GALNT15: variants seen among roughly 807,000 people sequenced by gnomAD.
GALNT15 encodes UDP-GalNAc transferase T15.
GALNT15 carries 67 observed loss-of-function variants against 66.8 expected under a neutral mutation model. The observed-to-expected ratio is 1.00, with a 90% CI of 0.82 to 1.23. GALNT15 has a LOEUF of 1.23. Ranked by LOEUF, GALNT15 falls within the 50% of genes most tolerant of loss-of-function variation. The pLI, the probability that GALNT15 is intolerant of heterozygous loss-of-function variation, is 0.00. For synonymous variants in GALNT15, 313 were observed against 311.5 expected (o/e 1.00, Z -0.05); for missense variants, 827 against 804.3 (o/e 1.03, Z -0.34).
At position 16,175,475 on chromosome 3, in the gene GALNT15, G is replaced by A. The variant is rs772053852; in HGVS notation, c.324G>A (p.Gln108=). The change falls in exon 1 of 10, where the codon CAG becomes CAA. Residue 108 remains glutamine (Q), a synonymous_variant. Transcript: ENST00000339732. This position sits in a 1 kb window ranked among gnomAD's most constrained non-coding sequence, Gnocchi z 5.6. ...AVALPQARRN[Q]SQGRRGGSYR... ...CCTTACCCCAGGCCAGAAGGAACCA[G>A]AGCCAGGGCAGGAGAGGTGGGAGCT... 1.2e-6 allele frequency: 2 copies of A among 1,613,942 alleles called. No individual in the cohort carries two copies. Among genetic ancestry groups the A allele is most frequent in the African/African-American group, 1.3e-5 (1 of 74,936 alleles).
chr3:16,195,798 C>T lies in GALNT15; in HGVS notation c.578C>T (p.Ala193Val). ...QQHPQDSLPT[A>V]SVILCFHDEA... ...CACCCTCAGGACAGCCTGCCCACAG[C>T]CAGCGTCATCCTCTGTTTCCATGAT... The change falls in exon 2 of 10, where the codon GCC becomes GTC. Residue 193 changes from alanine to valine, a missense_variant. By Grantham distance (64) the Ala-to-Val change is moderately conservative. Transcript: ENST00000339732. The surrounding 1 kb of genome is among the most constrained non-coding windows in gnomAD (Gnocchi z 4.6). The T allele has an allele frequency of 3.1e-6, 5 of 1,613,882 alleles. No individual in the cohort carries two copies. Among genetic ancestry groups the T allele is most frequent in the Non-Finnish European group, 4.2e-6 (5 of 1,179,848 alleles).
Position 16,188,476 on chromosome 3 carries a change from G to A in GALNT15, c.540-7284G>A, listed in dbSNP as rs995112482. ...CAAAACTGGACTAAATTTCCTCCCA[G>A]TGACATCAGCTGTTCCTTTTAGGTG... is the stretch of plus-strand genomic sequence containing the variant. On this transcript the variant is annotated intron_variant, in intron 1 of 9. Transcript: ENST00000339732. The surrounding 1 kb of genome is among the most constrained non-coding windows in gnomAD (Gnocchi z 4.6). Among the ~76,000 whole-genome samples the A allele has an allele frequency of 1.3e-5, 2 of 152,168 alleles. No individual in the cohort carries two copies. The highest frequency in any genetic ancestry group is 2.9e-5 in the Non-Finnish European group (2 of 68,022).
At chr3:16,214,144 C>G (rs1002967437) in intron 6 of GALNT15, among the ~76,000 whole-genome samples, 1 of 152,220 alleles carries the variant, frequency 6.6e-6, no homozygotes, top group Non-Finnish European at 1.5e-5. Context: ...CAGCAGCCTC[C>G]TTCGTTCCTC....
At position 16,189,546 on chromosome 3, in the gene GALNT15, C is replaced by G. The variant is rs536154622; in HGVS notation, c.540-6214C>G. ...CACATTTTTACCTGAAAAATAGTAACAGCTTCCAGTTATTGAAAGCCTGCT... is the reference window on the plus strand; with the variant it reads ...CACATTTTTACCTGAAAAATAGTAAGAGCTTCCAGTTATTGAAAGCCTGCT... On this transcript the variant is annotated intron_variant, in intron 1 of 9. Coordinates refer to ENST00000339732, the MANE Select transcript of GALNT15 (RefSeq NM_054110.5). The surrounding 1 kb of genome is among the most constrained non-coding windows in gnomAD (Gnocchi z 5.1). Among the ~76,000 whole-genome samples, 1 of 152,200 alleles carries G rather than the reference C, an allele frequency of 6.6e-6. No homozygotes were observed. Among genetic ancestry groups the G allele is most frequent in the Admixed American group, 6.5e-5 (1 of 15,286 alleles).
chr3:16,225,346 T>TATCA lies in GALNT15; in HGVS notation c.1774-2007_1774-2006insTCAA, dbSNP rs2063994763. On this transcript the variant is annotated intron_variant, in intron 9 of 9. Coordinates refer to ENST00000339732, the MANE Select transcript of GALNT15 (RefSeq NM_054110.5). The surrounding 1 kb of genome is among the most constrained non-coding windows in gnomAD (Gnocchi z 4.4). The stretch of plus-strand genomic sequence containing the variant: ...CCAAACTATATCAACTACTAAACTT[T>TATCA]ACACTTAAAAATGCCTAAGATTGTA... Among the ~76,000 whole-genome samples the TATCA allele has an allele frequency of 6.6e-6, 1 of 152,222 alleles. No homozygotes were observed. The highest frequency in any genetic ancestry group is 1.5e-5 in the Non-Finnish European group (1 of 68,040).
the GALNT15 span, among the ~76,000 whole-genome samples, chr3:16,238,921 G>A: frequency 6.6e-6 from 1 of 152,174 alleles, no homozygotes; most frequent in Non-Finnish European, 1.5e-5. This position sits in a 1 kb window ranked among gnomAD's most constrained non-coding sequence, Gnocchi z 4.8. Context: ...ATGCCTAGTT[G>A]AGGACAGGCA....
chr3:16,244,823 A>T, the GALNT15 span, among the ~76,000 whole-genome samples: 3 of 151,378 alleles, frequency 2.0e-5, no homozygotes, highest in Admixed American at 2.0e-4. Flanking sequence ...AACTGAGGTC[A>T]TATAATTTAA....
chr3:16,176,597 C>T lies in GALNT15; in HGVS notation c.539+907C>T, dbSNP rs2063412457. Among the ~76,000 whole-genome samples, 1 of 152,244 alleles carries T rather than the reference C, an allele frequency of 6.6e-6. No individual in the cohort carries two copies. Among genetic ancestry groups the T allele is most frequent in the Non-Finnish European group, 1.5e-5 (1 of 68,036 alleles). On this transcript the variant is annotated intron_variant, in intron 1 of 9. Transcript: ENST00000339732. This position sits in a 1 kb window ranked among gnomAD's most constrained non-coding sequence, Gnocchi z 5.6. ...CAGGGAGATGCTGGCCCATCCTCCA[C>T]ACCCCCTGCTCCCTTACTGTCACCA...
chr3:16,188,992 C>G lies in GALNT15; in HGVS notation c.540-6768C>G, dbSNP rs186731872. Among the ~76,000 whole-genome samples the G allele has an allele frequency of 2.0e-4, 31 of 152,242 alleles. No homozygotes were observed. Among genetic ancestry groups the G allele is most frequent in the Admixed American group, 1.3e-3 (20 of 15,298 alleles). ...TTCTTATTGTCTCCTCAGCATCTCC[C>G]AAAACTTACACACTCACATCAGCTA... On this transcript the variant is annotated intron_variant, in intron 1 of 9. Coordinates refer to ENST00000339732, the MANE Select transcript of GALNT15 (RefSeq NM_054110.5). This position sits in a 1 kb window ranked among gnomAD's most constrained non-coding sequence, Gnocchi z 4.6.
the GALNT15 span, among the ~76,000 whole-genome samples, chr3:16,238,537 T>G: frequency 2.0e-5 from 3 of 152,278 alleles, no homozygotes; most frequent in East Asian, 5.8e-4. The surrounding 1 kb of genome is among the most constrained non-coding windows in gnomAD (Gnocchi z 4.8). Flanking sequence ...ATAATCACAA[T>G]AGGCCAATGA....
intron 6 of GALNT15, among the ~76,000 whole-genome samples, chr3:16,217,870 G>A (rs2063896300): frequency 6.6e-6 from 1 of 152,198 alleles, no homozygotes; most frequent in Admixed American, 6.5e-5. Flanking sequence ...AGAATGCCAA[G>A]AAGCCATCAA....
chr3:16,175,729 G>C lies in GALNT15; in HGVS notation c.539+39G>C. ...TTGTTTTCCCTTCCCTGATCCCAGGGCATGATCGGGTGGTAGCAAACTCGG... is the reference window on the plus strand; with the variant it reads ...TTGTTTTCCCTTCCCTGATCCCAGGCCATGATCGGGTGGTAGCAAACTCGG... On this transcript the variant is annotated intron_variant, in intron 1 of 9. Transcript: ENST00000339732. The surrounding 1 kb of genome is among the most constrained non-coding windows in gnomAD (Gnocchi z 5.6). The C allele has an allele frequency of 6.6e-7, 1 of 1,511,058 alleles. No homozygotes were observed. The highest frequency in any genetic ancestry group is 8.9e-7 in the Non-Finnish European group (1 of 1,128,078). 93.6% of individuals were successfully genotyped at this position (1,511,058 alleles called of 1,614,324 possible).
the GALNT15 span, among the ~76,000 whole-genome samples, chr3:16,247,804 C>G: frequency 1.3e-5 from 2 of 152,236 alleles, no homozygotes; most frequent in African/African-American, 4.8e-5. Flanking sequence ...TCTGCTGTCC[C>G]CCTCCCGGAC....
At position 16,187,222 on chromosome 3, in the gene GALNT15, C is replaced by A. The variant is rs1314826257; in HGVS notation, c.540-8538C>A. 6.6e-6 allele frequency among the ~76,000 whole-genome samples: 1 copy of A among 152,050 alleles called. No individual in the cohort carries two copies. Among genetic ancestry groups the A allele is most frequent in the Non-Finnish European group, 1.5e-5 (1 of 68,010 alleles). On this transcript the variant is annotated intron_variant, in intron 1 of 9. Coordinates refer to ENST00000339732, the MANE Select transcript of GALNT15 (RefSeq NM_054110.5). This position sits in a 1 kb window ranked among gnomAD's most constrained non-coding sequence, Gnocchi z 5.1. ...GAGGTTGCAGTGAGCTAAGATAATG[C>A]CACTGCACTCCAGCCTGGGTGACAG...
chr3:16,222,796 T>C, intron 9 of GALNT15, 38 bp downstream of exon 9: 1 of 1,607,924 alleles, frequency 6.2e-7, no homozygotes, highest in South Asian at 1.1e-5. Context: ...GTAGTGCTGC[T>C]GGTCAGAAGG....
intron 3 of GALNT15, among the ~76,000 whole-genome samples, chr3:16,206,874 G>A (rs544847650): frequency 6.6e-6 from 1 of 151,918 alleles, no homozygotes; most frequent in African/African-American, 2.4e-5. Context: ...AAAATGCTTT[G>A]CCAATAGCCA....
Position 16,203,849 on chromosome 3 carries a change from C to T in GALNT15, c.911+3026C>T, listed in dbSNP as rs2063729625. ...TATGAGCTGTGGCAGGGAGAGCAGC[C>T]TCATTCAGTGTGTGCTTTACTCCCC... is the stretch of plus-strand genomic sequence containing the variant. On this transcript the variant is annotated intron_variant, in intron 3 of 9. Coordinates refer to ENST00000339732, the MANE Select transcript of GALNT15 (RefSeq NM_054110.5). The surrounding 1 kb of genome is among the most constrained non-coding windows in gnomAD (Gnocchi z 6.2). 6.6e-6 allele frequency among the ~76,000 whole-genome samples: 1 copy of T among 152,090 alleles called. No individual in the cohort carries two copies. The highest frequency in any genetic ancestry group is 1.5e-5 in the Non-Finnish European group (1 of 68,024).
rs930789689 is a variant in GALNT15, at chr3:16,195,172, C to T, written c.540-588C>T. Among the ~76,000 whole-genome samples, 18 of 152,322 alleles carry T rather than the reference C, an allele frequency of 1.2e-4. No individual in the cohort carries two copies. Among genetic ancestry groups the T allele is most frequent in the African/African-American group, 3.8e-4 (16 of 41,576 alleles). ...CACCACAGCCTCGGGGAGTCCTGAT[C>T]TTCCCAGAAGGCCAGGAGGGGTGTC... On this transcript the variant is annotated intron_variant, in intron 1 of 9. Coordinates refer to ENST00000339732, the MANE Select transcript of GALNT15 (RefSeq NM_054110.5). The surrounding 1 kb of genome is among the most constrained non-coding windows in gnomAD (Gnocchi z 4.6).
downstream of GALNT15, among the ~76,000 whole-genome samples, chr3:16,233,562 G>T (rs1008764718): frequency 4.6e-5 from 7 of 151,694 alleles, no homozygotes; most frequent in Non-Finnish European, 1.0e-4. Context: ...TGGTCATGTC[G>T]TCCCTCCCTC....
Sources: gnomAD v4.1 joint callset for allele counts (sites outside exome capture counted in the v4.1 genomes callset) on GRCh38, gnomAD v4.1.1 for gene constraint, Gnocchi (gnomAD v3.1) non-coding constraint, MANE v1.5 for transcripts, NCBI Gene and HGNC (gene_info 2026-07-23, HGNC 2026-07-21) for gene names.